The following CCDC148 variants were observed in gnomAD, a reference collection of about 807,000 sequenced individuals.
The protein encoded by CCDC148 is coiled-coil domain-containing protein 148.
CCDC148 carries 89 observed loss-of-function variants against 85.7 expected under a neutral mutation model. That is an observed-to-expected ratio of 1.04 (90% confidence interval 0.87 to 1.24). The LOEUF is 1.24. Ranked by LOEUF, CCDC148 falls within the 50% of genes most tolerant of loss-of-function variation. CCDC148 has a pLI of 0.00. For synonymous variants in CCDC148, 230 were observed against 213.9 expected, an observed-to-expected ratio of 1.08 and a Z score of -0.66; for missense variants, 692 against 671.7, an observed-to-expected ratio of 1.03 and a Z score of -0.33.
intron 11 of CCDC148, among the ~76,000 whole-genome samples, chr2:158,210,604 C>G (rs977805645): frequency 3.3e-5 from 5 of 151,864 alleles, no homozygotes; most frequent in African/African-American, 1.2e-4. Flanking sequence ...GAAATCATAA[C>G]AGTCTCTCAG....
chr2:158,339,743 A>G (rs1345097564), intron 5 of CCDC148, among the ~76,000 whole-genome samples: 1 of 152,218 alleles, frequency 6.6e-6, no homozygotes, highest in Non-Finnish European at 1.5e-5. Flanking sequence ...AGGACAGAGG[A>G]AATAGCCAGT....
chr2:158,401,252 G>A (rs778538321), intron 1 of CCDC148, among the ~76,000 whole-genome samples: 2 of 152,062 alleles, frequency 1.3e-5, no homozygotes, highest in African/African-American at 2.4e-5. Flanking sequence ...ACGTGCACAC[G>A]TATGTTATTG....
chr2:158,412,386 C>T (rs548674824), intron 1 of CCDC148, among the ~76,000 whole-genome samples: 2 of 152,246 alleles, frequency 1.3e-5, no homozygotes, highest in South Asian at 2.1e-4. Context: ...GACTCCTAGT[C>T]GGTCATCTTG....
chr2:158,227,489 G>T (rs892835558), intron 10 of CCDC148, among the ~76,000 whole-genome samples: 5 of 151,998 alleles, frequency 3.3e-5, no homozygotes, highest in African/African-American at 1.2e-4. Flanking sequence ...AAAAGAGCCC[G>T]CATTGCCAAG....
intron 10 of CCDC148, among the ~76,000 whole-genome samples, chr2:158,234,117 A>G (rs1243840541): frequency 6.6e-6 from 1 of 152,082 alleles, no homozygotes; most frequent in Non-Finnish European, 1.5e-5. Flanking sequence ...CAGAGGTTGT[A>G]GCGGGCCGAG....
intron 1 of CCDC148, among the ~76,000 whole-genome samples, chr2:158,422,504 G>A (rs557185086): frequency 9.2e-5 from 14 of 152,166 alleles, no homozygotes; most frequent in African/African-American, 3.1e-4. Context: ...CTCAATAGAC[G>A]CAGAAAAGGC....
intron 10 of CCDC148, among the ~76,000 whole-genome samples, chr2:158,237,881 G>A (rs1033257480): frequency 9.2e-5 from 14 of 152,288 alleles, no homozygotes; most frequent in Admixed American, 4.6e-4. Context: ...CAGTAAGACA[G>A]AGGAACAAAG....
intron 11 of CCDC148, among the ~76,000 whole-genome samples, chr2:158,198,638 G>A (rs1685796672): frequency 6.6e-6 from 1 of 152,126 alleles, no homozygotes; most frequent in East Asian, 1.9e-4. Flanking sequence ...GATATCTTCA[G>A]AGAATACTTG....
At chr2:158,401,638 C>A (rs1685789104) in intron 1 of CCDC148, among the ~76,000 whole-genome samples, 1 of 151,824 alleles carries the variant, frequency 6.6e-6, no homozygotes, top group African/African-American at 2.4e-5. Context: ...ACATGTATAC[C>A]TATGTAACAA....
chr2:158,413,553 T>C (rs1175108964), intron 1 of CCDC148, among the ~76,000 whole-genome samples: 1 of 152,130 alleles, frequency 6.6e-6, no homozygotes, highest in Admixed American at 6.5e-5. Context: ...GTAAGACACA[T>C]TTCCTACACT....
chr2:158,448,168 G>A (rs1288783071), intron 1 of CCDC148, among the ~76,000 whole-genome samples: 2 of 151,934 alleles, frequency 1.3e-5, no homozygotes, highest in Admixed American at 6.6e-5. Context: ...CATCTTTGCT[G>A]AAAACCAACT....
At chr2:158,350,386 T>A (rs889925688) in intron 2 of CCDC148, among the ~76,000 whole-genome samples, 2 of 152,188 alleles carry the variant, frequency 1.3e-5, no homozygotes, top group South Asian at 4.1e-4. Flanking sequence ...AATATAAGTG[T>A]GTATATATAC....
rs1364349724 is a variant in CCDC148, at chr2:158,456,753, T to C, written c.-314A>G. 1 of 352,982 alleles carries C rather than the reference T, an allele frequency of 2.8e-6. No individual in the cohort carries two copies. The allele number at this position is 352,982 out of a possible 1,614,324, so 21.9% of individuals were successfully genotyped here. A position where few individuals can be genotyped will look rare whatever the true frequency, so the allele number is the denominator to read the frequency against. ...TCGCGCTGAACAGCATCGGTCTCTATGGCGACCTGAAACCGCAGCTCCCAT... is the reference window on the plus strand; with the variant it reads ...TCGCGCTGAACAGCATCGGTCTCTACGGCGACCTGAAACCGCAGCTCCCAT... On this transcript the variant is annotated 5_prime_UTR_variant, in exon 1 of 14. Transcript: ENST00000283233.
chr2:158,394,270 A>C (rs1410665024), intron 1 of CCDC148, among the ~76,000 whole-genome samples: 2 of 152,150 alleles, frequency 1.3e-5, no homozygotes, highest in Non-Finnish European at 2.9e-5. Flanking sequence ...AAGGCAAAGC[A>C]ATAATTTCCA....
chr2:158,434,156 CA>C (rs1687520293), intron 1 of CCDC148, among the ~76,000 whole-genome samples: 1 of 152,162 alleles, frequency 6.6e-6, no homozygotes, highest in African/African-American at 2.4e-5. Flanking sequence ...GATCTGAGAA[CA>C]GACAGACTGC....
intron 7 of CCDC148, among the ~76,000 whole-genome samples, chr2:158,322,538 GATTA>G (rs1159131971): frequency 6.6e-6 from 1 of 151,782 alleles, no homozygotes; most frequent in African/African-American, 2.4e-5. Flanking sequence ...TGGAAATTTA[GATTA>G]ATTTTTAGTT....
intron 11 of CCDC148, among the ~76,000 whole-genome samples, chr2:158,180,245 G>A (rs539744120): frequency 1.3e-4 from 20 of 152,214 alleles, no homozygotes; most frequent in Non-Finnish European, 2.9e-4. Flanking sequence ...TATTTACTGC[G>A]TGTTCACCCT....
rs78707759 is a variant in CCDC148 at position 158,256,274 on chromosome 2, T to C, written c.1111-5362A>G. Among the ~76,000 whole-genome samples, 1,303 of 151,874 alleles carry C rather than the reference T, an allele frequency of 8.6e-3. 19 individuals carry two copies. The highest frequency in any genetic ancestry group is 0.03 in the African/African-American group (1,250 of 41,484). ...ATCTTTGTCACCAACAACAATATTGTTACTTTCAGCAAATGGCTCATGCAG... is the reference window on the plus strand; with the variant it reads ...ATCTTTGTCACCAACAACAATATTGCTACTTTCAGCAAATGGCTCATGCAG... On this transcript the variant is annotated intron_variant, in intron 9 of 13. Coordinates refer to ENST00000283233, the MANE Select transcript of CCDC148 (RefSeq NM_138803.4).
rs552571184 is a variant in CCDC148 at position 158,282,077 on chromosome 2, A to G, written c.1110+27356T>C. On this transcript the variant is annotated intron_variant, in intron 9 of 13. Transcript: ENST00000283233. The stretch of plus-strand genomic sequence containing the variant: ...AAAAGGCCTTTGACAAAATTCAACA[A>G]CGCTTCATGCTAAAAACTCTCAATA... 2.1e-3 allele frequency among the ~76,000 whole-genome samples: 322 copies of G among 151,588 alleles called. 1 individual carries two copies. Among genetic ancestry groups the G allele is most frequent in the African/African-American group, 7.0e-3 (290 of 41,400 alleles).
Sources: allele counts gnomAD v4.1 joint callset (sites outside exome capture counted in the v4.1 genomes callset), GRCh38; gene constraint gnomAD v4.1.1; transcripts MANE v1.5; gene names NCBI Gene and HGNC (gene_info 2026-07-23, HGNC 2026-07-21).